The following WRN variants were observed in gnomAD, a reference collection of about 807,000 sequenced individuals.
The protein encoded by WRN is bifunctional 3'-5' exonuclease/ATP-dependent helicase WRN.
Under a neutral mutation model 180.7 loss-of-function variants are expected in WRN, and 149 were observed. That is an observed-to-expected ratio of 0.82 (90% CI 0.72 to 0.94). The LOEUF (loss-of-function observed/expected upper bound fraction) is 0.94, where lower values mean the gene tolerates loss of function less well. Among genes scored for constraint, WRN ranks in the 40% least tolerant of loss-of-function variants. The pLI is 0.00. For synonymous variants in WRN, 548 were observed against 568.9 expected, an observed-to-expected ratio of 0.96 and a Z score of 0.52; for missense variants, 1,661 against 1,700.1, an observed-to-expected ratio of 0.98 and a Z score of 0.40.
intron 5 of WRN, among the ~76,000 whole-genome samples, chr8:31,066,548 T>C (rs1285167663): frequency 6.6e-6 from 1 of 152,082 alleles, no homozygotes; most frequent in Non-Finnish European, 1.5e-5. Flanking sequence ...AATGTAAAAT[T>C]GTGTTTTAGG....
At chr8:31,047,975 T>TAAA (rs1811932788) in intron 1 of WRN, among the ~76,000 whole-genome samples, 1 of 152,236 alleles carries the variant, frequency 6.6e-6, no homozygotes, top group South Asian at 2.1e-4. Context: ...AACGTAGCTT[T>TAAA]TATCCTTTAC....
intron 19 of WRN, 103 bp from the exon 20 acceptor site, chr8:31,116,251 T>C: frequency 1.6e-6 from 2 of 1,212,716 alleles, no homozygotes; most frequent in Non-Finnish European, 1.2e-6. Flanking sequence ...TTTAGTCTTT[T>C]CTTTAGAAGG....
intron 15 of WRN, 25 bp downstream of exon 15, chr8:31,090,967 A>G (rs3087422): frequency 6.5e-7 from 1 of 1,539,836 alleles, no homozygotes; most frequent in Non-Finnish European, 9.0e-7. Flanking sequence ...CATTGCCACA[A>G]TATCACCCTC....
At chr8:31,146,312 T>G (rs1802855814) in intron 28 of WRN, among the ~76,000 whole-genome samples, 2 of 150,336 alleles carry the variant, frequency 1.3e-5, no homozygotes, top group Non-Finnish European at 3.0e-5. Flanking sequence ...AATATGATAA[T>G]ATTGTATTTA....
At chr8:31,072,134 A>G (rs1424236529) in intron 7 of WRN, among the ~76,000 whole-genome samples, 14 of 152,166 alleles carry the variant, frequency 9.2e-5, no homozygotes, top group Non-Finnish European at 1.5e-5. Context: ...GGAGGAGGGG[A>G]CACCAAAGGA....
intron 1 of WRN, among the ~76,000 whole-genome samples, chr8:31,045,558 C>T (rs1811830053): frequency 2.0e-5 from 3 of 152,024 alleles, no homozygotes; most frequent in Admixed American, 2.0e-4. Context: ...CTCGCTGCCA[C>T]ACCTGGCTAA....
chr8:31,039,890 A>G (rs1037591862), intron 1 of WRN, among the ~76,000 whole-genome samples: 1 of 152,188 alleles, frequency 6.6e-6, no homozygotes, highest in Non-Finnish European at 1.5e-5. Context: ...TTTCTGGGGT[A>G]AATTTCAGTC....
chr8:31,159,231 T>C (rs536007688), intron 33 of WRN, among the ~76,000 whole-genome samples: 1 of 151,876 alleles, frequency 6.6e-6, no homozygotes, highest in South Asian at 2.1e-4. Flanking sequence ...GCTCAGGAGT[T>C]TGGGGTTATA....
chr8:31,070,675 C>G (rs1166972858), intron 7 of WRN, among the ~76,000 whole-genome samples: 2 of 151,940 alleles, frequency 1.3e-5, no homozygotes, highest in African/African-American at 4.8e-5. Context: ...CGAGAGGCAT[C>G]TGACACATTG....
chr8:31,095,546 G>A (rs775457442), intron 16 of WRN, among the ~76,000 whole-genome samples: 2 of 152,090 alleles, frequency 1.3e-5, no homozygotes, highest in Non-Finnish European at 2.9e-5. Context: ...TTAGATTTAC[G>A]ATTCATTTTT....
intron 1 of WRN, among the ~76,000 whole-genome samples, chr8:31,035,532 A>G (rs1269742687): frequency 6.6e-6 from 1 of 152,138 alleles, no homozygotes; most frequent in African/African-American, 2.4e-5. Flanking sequence ...AGAAAGGGAA[A>G]GGGGCCAGAA....
chr8:31,085,872 T>A (rs969951298), intron 11 of WRN, among the ~76,000 whole-genome samples: 3 of 152,178 alleles, frequency 2.0e-5, no homozygotes, highest in African/African-American at 7.2e-5. Flanking sequence ...TTCCAATTCA[T>A]GTGTATCCAT....
intron 21 of WRN, among the ~76,000 whole-genome samples, chr8:31,122,361 G>A (rs1377565086): frequency 6.6e-6 from 1 of 151,988 alleles, no homozygotes; most frequent in East Asian, 1.9e-4. Flanking sequence ...ACCTGGAAAG[G>A]TCAGTTACTC....
chr8:31,091,722 A>G (rs1357746127), intron 15 of WRN, 108 bp from the exon 16 acceptor site: 1 of 1,148,492 alleles, frequency 8.7e-7, no homozygotes, highest in African/African-American at 1.6e-5. Flanking sequence ...AAAATTGCAA[A>G]GAACAGGAAT....
At chr8:31,060,131 G>T (rs1812434515) in intron 3 of WRN, among the ~76,000 whole-genome samples, 1 of 152,036 alleles carries the variant, frequency 6.6e-6, no homozygotes, top group South Asian at 2.1e-4. Flanking sequence ...ACTTTTAAAG[G>T]TTGCCTTGTA....
In WRN at chr8:31,064,789, A is replaced by G. The variant is rs372441664; in HGVS notation, c.356-126A>G. ...TTTAGTTAAGAAATACTCAAGGTCA[A>G]TGTGTTTCTGAATTTAAAATTACTG... On this transcript the variant is annotated intron_variant, in intron 4 of 34. Transcript: ENST00000298139. The G allele has an allele frequency of 5.3e-6, 6 of 1,138,118 alleles. No individual in the cohort carries two copies. In the Admixed American group the frequency reaches 6.8e-5, roughly 13 times the overall value. 70.5% of individuals were successfully genotyped at this position (1,138,118 alleles called of 1,614,324 possible).
Position 31,157,498 on chromosome 8 carries a change from C to A in WRN, c.3950C>A (p.Ala1317Asp). The A allele has an allele frequency of 6.2e-7, 1 of 1,614,120 alleles. No individual in the cohort carries two copies. The highest frequency in any genetic ancestry group is 8.5e-7 in the Non-Finnish European group (1 of 1,180,020). ...GLTPEVQKIIADVIRNPPVNS... is the reference protein window; with the variant it reads ...GLTPEVQKIIDDVIRNPPVNS... ...ACTCCAGAGGTTCAGAAGATTATTG[C>A]TGATGTTATCCGAAACCCTCCCGTC... Residue 1317 changes from alanine to aspartate, a missense_variant, in exon 33 of 35, where the codon GCT (alanine) becomes GAT (aspartate). Around this residue, in one of 3 missense-constraint regions of WRN, gnomAD observed 1,141 missense variants for 1,149.4 expected, o/e 0.99. Transcript: ENST00000298139.
intron 1 of WRN, among the ~76,000 whole-genome samples, chr8:31,049,210 CA>C (rs72226104): frequency 0.034 from 1,066 of 31,724 alleles, 1 homozygote; most frequent in African/African-American, 0.15. Flanking sequence ...GACTCTGTCT[CA>C]AAAAAAAAAA....
At chr8:31,097,810 G>A (rs1814053735) in intron 17 of WRN, among the ~76,000 whole-genome samples, 1 of 151,966 alleles carries the variant, frequency 6.6e-6, no homozygotes, top group Non-Finnish European at 1.5e-5. Context: ...TTGGTGGTTA[G>A]GCTTAACTAT....
Sources: gnomAD v4.1 joint callset for allele counts (sites outside exome capture counted in the v4.1 genomes callset) on GRCh38, gnomAD v4.1.1 for gene constraint, gnomAD v4.1.1 regional missense constraint, MANE v1.5 for transcripts, NCBI Gene and HGNC (gene_info 2026-07-23, HGNC 2026-07-21) for gene names.